The following DNAJB6 variants were observed in gnomAD, a reference collection of about 807,000 sequenced individuals.
The protein encoded by DNAJB6 is DnaJ heat shock protein family (Hsp40) member B6.
In DNAJB6, 16 loss-of-function variants were observed where a neutral mutation model predicts 42.7. That is an observed-to-expected ratio of 0.37 (90% confidence interval 0.25 to 0.57). The LOEUF is 0.57. Among genes scored for constraint, DNAJB6 ranks in the 20% least tolerant of loss-of-function variants. The probability of loss-of-function intolerance (pLI) is 0.74; values close to 1 mark genes in which losing one functional copy is unlikely to be tolerated. For missense variants in DNAJB6, 347 were observed against 416.8 expected (o/e 0.83, Z 1.46); for synonymous variants, 170 against 163.5 (o/e 1.04, Z -0.30).
rs146911026 is a variant in DNAJB6 at position 157,391,124 on chromosome 7, C to A, written c.691+5513C>A. Among the ~76,000 whole-genome samples the A allele has an allele frequency of 6.2e-3, 951 of 152,326 alleles. 10 individuals are homozygous for A. The highest frequency in any genetic ancestry group is 0.021 in the African/African-American group (881 of 41,560). On this transcript the variant is annotated intron_variant, in intron 8 of 9. Coordinates refer to ENST00000262177, the MANE Select transcript of DNAJB6 (RefSeq NM_058246.4). ...GTGCTGGGATCACAGACATGAGCCC[C>A]CACTCCCAGCCCAGAGCATTTTACA...
intron 8 of DNAJB6, chr7:157,386,386 G>A (rs1039049533): frequency 6.7e-6 from 6 of 898,058 alleles, no homozygotes; most frequent in Admixed American, 6.2e-5. Flanking sequence ...ATAGCGTTTC[G>A]TGCTGTTCAT....
intron 1 of DNAJB6, among the ~76,000 whole-genome samples, chr7:157,356,682 C>G (rs865823806): frequency 7.2e-5 from 11 of 152,124 alleles, no homozygotes; most frequent in Non-Finnish European, 1.5e-4. Context: ...TATTATGTAT[C>G]CAGCAAAGCT....
intron 8 of DNAJB6, among the ~76,000 whole-genome samples, chr7:157,395,101 C>T (rs998245529): frequency 8.0e-6 from 1 of 124,392 alleles, no homozygotes; most frequent in Non-Finnish European, 1.7e-5. Flanking sequence ...GCCCGCCGCG[C>T]CCCCCCACCT....
At chr7:157,410,372 T>TG (rs1375146435) in intron 9 of DNAJB6, 21 of 408,162 alleles carry the variant, frequency 5.1e-5, no homozygotes, top group East Asian at 3.7e-5. Context: ...CTCGTGCTGG[T>TG]GGGGTCTGCG....
intron 2 of DNAJB6, among the ~76,000 whole-genome samples, chr7:157,359,274 C>G (rs1015751149): frequency 2.6e-5 from 4 of 152,104 alleles, no homozygotes; most frequent in Non-Finnish European, 5.9e-5. Flanking sequence ...TTGGAACCAA[C>G]TTAAAAAAAT....
intron 1 of DNAJB6, among the ~76,000 whole-genome samples, chr7:157,356,947 T>G (rs987606486): frequency 6.6e-6 from 1 of 152,072 alleles, no homozygotes; most frequent in Non-Finnish European, 1.5e-5. Context: ...TACATCTAAA[T>G]AGATCCTGAT....
At chr7:157,377,955 G>A (rs753625673) in intron 5 of DNAJB6, among the ~76,000 whole-genome samples, 6 of 152,176 alleles carry the variant, frequency 3.9e-5, no homozygotes, top group South Asian at 2.1e-4. Context: ...CGCAGGTCAC[G>A]TTCTCCTGTG....
chr7:157,345,497 T>C (rs1798638573), intron 1 of DNAJB6, among the ~76,000 whole-genome samples: 2 of 152,078 alleles, frequency 1.3e-5, no homozygotes, highest in Admixed American at 1.3e-4. Context: ...TTTATCTTTT[T>C]GTAGAGATGG....
intron 8 of DNAJB6, among the ~76,000 whole-genome samples, chr7:157,394,582 C>G (rs527680340): frequency 6.6e-6 from 1 of 152,172 alleles, no homozygotes; most frequent in South Asian, 2.1e-4. Context: ...GTGAAGTGGC[C>G]TCACTTTTTC....
chr7:157,368,546 G>A (rs1269336519), intron 5 of DNAJB6: 1 of 152,332 alleles, frequency 6.6e-6, no homozygotes, highest in East Asian at 1.9e-4. Flanking sequence ...TTGATTGTAG[G>A]AAAATGGATT....
chr7:157,337,325 C>T (rs1355758689), intron 1 of DNAJB6, among the ~76,000 whole-genome samples, 181 bp downstream of exon 1: 3 of 151,644 alleles, frequency 2.0e-5, no homozygotes, highest in Non-Finnish European at 2.9e-5. Flanking sequence ...TGGGCGGGGT[C>T]CTCTGGGTCA....
At position 157,416,010 on chromosome 7, in the gene DNAJB6, C is replaced by T. The variant is rs78337193; in HGVS notation, c.899-6C>T. Reference sequence around the variant, plus strand: ...GTACAGTGTTTTACAAGCCGTGTTTCCTTAGGATTGAAAGAAGGTGGCAAG... The same window carrying T: ...GTACAGTGTTTTACAAGCCGTGTTTTCTTAGGATTGAAAGAAGGTGGCAAG... On this transcript the variant is annotated splice_region_variant and splice_polypyrimidine_tract_variant and intron_variant, in intron 9 of 9. Transcript: ENST00000262177. The T allele has an allele frequency of 9.7e-4, 1,571 of 1,614,124 alleles. 16 individuals are homozygous for T. In the African/African-American group the frequency reaches 0.018, roughly 19 times the overall value.
chr7:157,344,704 C>T (rs556608267), intron 1 of DNAJB6, among the ~76,000 whole-genome samples: 42 of 152,236 alleles, frequency 2.8e-4, no homozygotes, highest in Admixed American at 1.2e-3. Flanking sequence ...CATCGACTGC[C>T]TGGGCTCAAG....
At chr7:157,406,169 G>T (rs776741663) in intron 8 of DNAJB6, among the ~76,000 whole-genome samples, 77 of 152,364 alleles carry the variant, frequency 5.1e-4, no homozygotes, top group Non-Finnish European at 8.4e-4. Context: ...TGTCCCAGCC[G>T]TGAGGCGGCC....
chr7:157,415,906 T>A, intron 9 of DNAJB6, 110 bp from the exon 10 acceptor site: 1 of 1,583,408 alleles, frequency 6.3e-7, no homozygotes, highest in Non-Finnish European at 8.6e-7. Context: ...GATGACTTCA[T>A]TTTGTTGCTT....
At position 157,409,871 on chromosome 7, in the gene DNAJB6, C is replaced by T. The variant is rs1436943449; in HGVS notation, c.768C>T (p.Gly256=). ...GQNALPAQPA[G]LRPPKPPRPA... is the part of the protein sequence containing the mutation. ...ACGCCCTGCCAGCCCAGCCTGCCGG[C>T]CTCCGCCCGCCGAAGCCGCCCCGGC... is the stretch of plus-strand genomic sequence containing the variant. Residue 256 remains glycine (G), a synonymous_variant, in exon 9 of 10, where the codon GGC becomes GGT. Coordinates refer to ENST00000262177, the MANE Select transcript of DNAJB6 (RefSeq NM_058246.4). 2 of 1,533,212 alleles carry T rather than the reference C, an allele frequency of 1.3e-6. No homozygotes were observed. Among genetic ancestry groups the T allele is most frequent in the Non-Finnish European group, 1.7e-6 (2 of 1,145,652 alleles). The allele number at this position is 1,533,212 out of a possible 1,614,324, so 95.0% of individuals were successfully genotyped here.
chr7:157,387,777 GA>G (rs1801144449), intron 8 of DNAJB6, among the ~76,000 whole-genome samples: 1 of 151,696 alleles, frequency 6.6e-6, no homozygotes, highest in Non-Finnish European at 1.5e-5. Flanking sequence ...TCTTTCTTGT[GA>G]AAATTTTTTT....
chr7:157,393,772 C>T (rs1801461298), intron 8 of DNAJB6, among the ~76,000 whole-genome samples: 1 of 151,418 alleles, frequency 6.6e-6, no homozygotes, highest in Non-Finnish European at 1.5e-5. Context: ...TGCATGTGTG[C>T]AGTGGGTGAT....
At chr7:157,405,151 G>A (rs183715345) in intron 8 of DNAJB6, among the ~76,000 whole-genome samples, 129 of 152,320 alleles carry the variant, frequency 8.5e-4, no homozygotes, top group Admixed American at 3.2e-3. Context: ...TGTGGGACGC[G>A]GCGATGGCAG....
Sources: allele counts gnomAD v4.1 joint callset (sites outside exome capture counted in the v4.1 genomes callset), GRCh38; gene constraint gnomAD v4.1.1; transcripts MANE v1.5; gene names NCBI Gene and HGNC (gene_info 2026-07-23, HGNC 2026-07-21).